Variants in RICTOR observed in about 807,000 individuals in gnomAD.
RICTOR encodes the protein rapamycin-insensitive companion of mTOR.
A neutral mutation model predicts 214.9 loss-of-function variants in RICTOR; 49 were observed. The ratio of observed to expected loss-of-function variants is 0.23; its 90% CI spans 0.18 to 0.29. RICTOR has a LOEUF of 0.29. RICTOR is among the 10% of genes least tolerant of loss of function. RICTOR has a pLI of 1.00. For synonymous variants in RICTOR, 717 were observed against 711.3 expected (o/e 1.01, Z -0.13); for missense variants, 1,625 against 2,047.0 (o/e 0.79, Z 3.98).
At chr5:39,036,143 G>A (rs576917672) in intron 2 of RICTOR, among the ~76,000 whole-genome samples, 37 of 152,366 alleles carry the variant, frequency 2.4e-4, no homozygotes, top group African/African-American at 7.9e-4. Context: ...CAAGCCAGAA[G>A]AGAGTGGGGC....
Position 38,949,664 on chromosome 5 carries a change from G to GT in RICTOR, c.4136+47dup, listed in dbSNP as rs1477517060. 5 of 1,497,586 alleles carry GT rather than the reference G, an allele frequency of 3.3e-6. No homozygotes were observed. In the Admixed American group the frequency reaches 5.6e-5, roughly 17 times the overall value. The allele number at this position is 1,497,586 out of a possible 1,614,324, so 92.8% of individuals were successfully genotyped here. ...TGGCTAACATTTTGTATTTAAATTT[G>GT]TTAAAATGCAACCATTATTGGTCAC... On this transcript the variant is annotated intron_variant, in intron 31 of 37. Transcript: ENST00000357387.
intron 14 of RICTOR, 172 bp from the exon 15 acceptor site, chr5:38,966,893 C>T (rs750900827): frequency 5.1e-5 from 30 of 583,220 alleles, no homozygotes; most frequent in East Asian, 8.6e-5. Context: ...CTCTGCCTTC[C>T]GGGTTCAAGC....
intron 2 of RICTOR, among the ~76,000 whole-genome samples, chr5:39,050,328 TTTTC>T (rs1475678193): frequency 1.3e-5 from 2 of 151,852 alleles, no homozygotes; most frequent in South Asian, 2.1e-4. Context: ...ACTGCTTTGT[TTTTC>T]TTTGTTTTTT....
At chr5:39,047,089 C>A (rs549578484) in intron 2 of RICTOR, among the ~76,000 whole-genome samples, 86 of 152,296 alleles carry the variant, frequency 5.6e-4, no homozygotes, top group South Asian at 1.5e-3. Flanking sequence ...AAATTTCCAT[C>A]TTCAAATAAT....
At position 38,999,963 on chromosome 5, in the gene RICTOR, G is replaced by C. The variant is rs145768117; in HGVS notation, c.392+2572C>G. Among the ~76,000 whole-genome samples, 1,208 of 152,040 alleles carry C rather than the reference G, an allele frequency of 7.9e-3. 5 individuals are homozygous for C. Among genetic ancestry groups the C allele is most frequent in the Non-Finnish European group, 0.012 (811 of 67,872 alleles). On this transcript the variant is annotated intron_variant, in intron 5 of 37. Transcript: ENST00000357387. ...CATGCAACCACTAGGCAAAAGAAAG[G>C]TGGTAATGTATTATTAGATGACATG...
Position 38,967,952 on chromosome 5 carries a change from G to A in RICTOR, c.1051C>T (p.Leu351Phe). The A allele has an allele frequency of 6.5e-6, 10 of 1,548,428 alleles. No individual in the cohort carries two copies. Among genetic ancestry groups the A allele is most frequent in the Non-Finnish European group, 8.9e-6 (10 of 1,120,508 alleles). ...VVTEEFIEAL[L>F]SVDPGRFQDS... ...GTACTTCAATACTTACCTACACTGA[G>A]TAGTGCTTCTATGAACTCCTCAGTC... The change falls in exon 12 of 38, where the codon CTC (leucine) becomes TTC (phenylalanine). Residue 351 changes from leucine (L) to phenylalanine (F), a missense_variant. Leu to Phe is a conservative substitution (Grantham distance 22). Coordinates refer to ENST00000357387, the MANE Select transcript of RICTOR (RefSeq NM_152756.5).
chr5:39,010,411 A>G (rs1411393348), intron 3 of RICTOR, among the ~76,000 whole-genome samples: 1 of 152,196 alleles, frequency 6.6e-6, no homozygotes, highest in Non-Finnish European at 1.5e-5. Flanking sequence ...AACACAGTAA[A>G]CTGCTACCAC....
At position 38,963,043 on chromosome 5, in the gene RICTOR, T is replaced by C. The variant is rs1579928715; in HGVS notation, c.1401-2A>G. 1 of 1,603,288 alleles carries C rather than the reference T, an allele frequency of 6.2e-7. No homozygotes were observed. The highest frequency in any genetic ancestry group is 1.3e-5 in the African/African-American group (1 of 74,700). On this transcript the variant is annotated splice_acceptor_variant, in intron 16 of 37. Transcript: ENST00000357387. LOFTEE classifies it high-confidence loss of function. ...CAGTTCAAGGCTGCACTGGCTCGCC[T>C]AATGAGAAAAACAATTCAATCAATA...
chr5:38,975,774 A>G (rs1256012869), intron 9 of RICTOR, among the ~76,000 whole-genome samples, 170 bp from the exon 10 acceptor site: 2 of 152,242 alleles, frequency 1.3e-5, no homozygotes, highest in African/African-American at 4.8e-5. Flanking sequence ...AGCCAATTAT[A>G]AACTGACTTC....
chr5:39,002,543 T>G lies in RICTOR; in HGVS notation c.384A>C (p.Leu128Phe). 6.3e-7 allele frequency: 1 copy of G among 1,597,724 alleles called. No homozygotes were observed. The highest frequency in any genetic ancestry group is 8.5e-7 in the Non-Finnish European group (1 of 1,173,712). The change falls in exon 5 of 38, where the codon TTA (leucine) becomes TTC (phenylalanine). Residue 128 changes from leucine (L) to phenylalanine (F), a missense_variant. Transcript: ENST00000357387. ...AAGTCTAGGAAATTTACCTAGCTATTAAATAGTCCACTTTCAATTTTAGCA... is the reference window on the plus strand; with the variant it reads ...AAGTCTAGGAAATTTACCTAGCTATGAAATAGTCCACTTTCAATTTTAGCA... ...QKVLKLKVDYLIARCIDIQQS... is the reference protein window; with the variant it reads ...QKVLKLKVDYFIARCIDIQQS...
In RICTOR at chr5:38,990,410, C is replaced by A. The variant is rs140362561; in HGVS notation, c.583+539G>T. ...ATGACAAGTTGATGCGTACAGCAAA[C>A]CACCATGGCATATGTATACCTATGT... On this transcript the variant is annotated intron_variant, in intron 7 of 37. Coordinates refer to ENST00000357387, the MANE Select transcript of RICTOR (RefSeq NM_152756.5). 3.3e-3 allele frequency among the ~76,000 whole-genome samples: 501 copies of A among 151,756 alleles called. 4 individuals carry two copies. The highest frequency in any genetic ancestry group is 0.011 in the African/African-American group (475 of 41,330).
chr5:38,972,029 T>C, intron 10 of RICTOR, 70 bp from the exon 11 acceptor site: 1 of 667,940 alleles, frequency 1.5e-6, no homozygotes, highest in South Asian at 1.8e-5. Context: ...CAATGTATAA[T>C]ATAAAACTTG....
Position 38,955,702 on chromosome 5 carries a change from T to C in RICTOR, c.2502A>G (p.Glu834=). ...VAKQLEKWHR[E]YNSKYVDLIE... ...TCAAGTCAACATATTTGGAGTTGTATTCCTAGAGGATAATATTGTTTTAAT... is the reference window on the plus strand; with the variant it reads ...TCAAGTCAACATATTTGGAGTTGTACTCCTAGAGGATAATATTGTTTTAAT... The change falls in exon 26 of 38, where the codon GAA becomes GAG. Residue 834 remains glutamate (E), a splice_region_variant and synonymous_variant. Coordinates refer to ENST00000357387, the MANE Select transcript of RICTOR (RefSeq NM_152756.5). 6.6e-7 allele frequency: 1 copy of C among 1,507,732 alleles called. No homozygotes were observed. Among genetic ancestry groups the C allele is most frequent in the Non-Finnish European group, 9.2e-7 (1 of 1,082,880 alleles). The allele number at this position is 1,507,732 out of a possible 1,614,324, so 93.4% of individuals were successfully genotyped here.
intron 31 of RICTOR, among the ~76,000 whole-genome samples, chr5:38,948,389 G>A (rs1276560133): frequency 5.9e-5 from 9 of 151,998 alleles, no homozygotes; most frequent in Admixed American, 5.9e-4. Flanking sequence ...ACTGTAATCT[G>A]TTACATTTCT....
At chr5:38,967,576 G>C (rs1440656223) in intron 12 of RICTOR, 149 bp from the exon 13 acceptor site, 2 of 617,130 alleles carry the variant, frequency 3.2e-6, no homozygotes, top group East Asian at 5.7e-5. Flanking sequence ...ACAAAAATTA[G>C]TTATGTAAAT....
intron 1 of RICTOR, 72 bp downstream of exon 1, chr5:39,074,257 G>A: frequency 1.3e-6 from 2 of 1,582,116 alleles, no homozygotes; most frequent in Non-Finnish European, 1.7e-6. Context: ...CCCCAACCCA[G>A]GGCCAGGGGA....
intron 2 of RICTOR, among the ~76,000 whole-genome samples, chr5:39,063,646 T>C (rs1311212803): frequency 2.0e-5 from 3 of 152,120 alleles, no homozygotes; most frequent in Non-Finnish European, 4.4e-5. Context: ...ACTACTGTCT[T>C]TTACTGTACA....
intron 6 of RICTOR, among the ~76,000 whole-genome samples, chr5:38,994,177 G>A (rs895552525): frequency 2.6e-5 from 4 of 151,664 alleles, no homozygotes; most frequent in Non-Finnish European, 5.9e-5. Flanking sequence ...GTGACAGAGC[G>A]AGACTCCATC....
chr5:39,019,933 C>A lies in RICTOR; in HGVS notation c.195+1106G>T, dbSNP rs367553780. On this transcript the variant is annotated intron_variant, in intron 3 of 37. Coordinates refer to ENST00000357387, the MANE Select transcript of RICTOR (RefSeq NM_152756.5). Reference sequence around the variant, plus strand: ...GATTCATGGGAAGAAATCAAAATCTCAACACTACCAGGAATTTGGAAGAAG... The same window carrying A: ...GATTCATGGGAAGAAATCAAAATCTAAACACTACCAGGAATTTGGAAGAAG... Among the ~76,000 whole-genome samples the A allele has an allele frequency of 5.3e-5, 8 of 152,278 alleles. 1 individual carries two copies. The highest frequency in any genetic ancestry group is 1.3e-4 in the Admixed American group (2 of 15,290).
Sources: gnomAD v4.1 joint callset for allele counts (sites outside exome capture counted in the v4.1 genomes callset) on GRCh38, gnomAD v4.1.1 for gene constraint, MANE v1.5 for transcripts, NCBI Gene and HGNC (gene_info 2026-07-23, HGNC 2026-07-21) for gene names.